Variants in PPARGC1A observed in about 807,000 individuals in gnomAD.
PPARGC1A encodes PPARG coactivator 1 alpha, also known as peroxisome proliferator-activated receptor gamma coactivator 1-alpha.
A neutral mutation model predicts 88.7 loss-of-function variants in PPARGC1A; 25 were observed. The ratio of observed to expected loss-of-function variants is 0.28; its 90% CI spans 0.21 to 0.39. PPARGC1A has a LOEUF of 0.39. PPARGC1A is among the 10% of genes least tolerant of loss of function. The pLI is 1.00. For missense variants in PPARGC1A, 880 were observed against 968.7 expected, an observed-to-expected ratio of 0.91 and a Z score of 1.22; for synonymous variants, 363 against 355.6, an observed-to-expected ratio of 1.02 and a Z score of -0.24.
rs142340179 is a variant in PPARGC1A at position 23,839,874 on chromosome 4, C to A, written c.235-8123G>T. Among the ~76,000 whole-genome samples, 375 of 152,012 alleles carry A rather than the reference C, an allele frequency of 2.5e-3. 2 individuals carry two copies. The highest frequency in any genetic ancestry group is 8.4e-3 in the African/African-American group (350 of 41,484). ...ATCTCGTGCGACCCATTCACTATCA[C>A]GACAACAGCACAGGAAAGACCCGCT... is the stretch of plus-strand genomic sequence containing the variant. On this transcript the variant is annotated intron_variant, in intron 2 of 12. Transcript: ENST00000264867.
At chr4:23,802,674 C>T (rs1397083560) in intron 10 of PPARGC1A, among the ~76,000 whole-genome samples, 5 of 86,438 alleles carry the variant, frequency 5.8e-5, no homozygotes, top group Non-Finnish European at 1.0e-4. Flanking sequence ...GAGACTCCAT[C>T]TCAAAAAAAA....
chr4:24,305,340 G>A, the PPARGC1A span, among the ~76,000 whole-genome samples: 1 of 151,980 alleles, frequency 6.6e-6, no homozygotes, highest in African/African-American at 2.4e-5. Flanking sequence ...AAACAGATCT[G>A]TATTTTAATT....
At position 23,792,545 on chromosome 4, in the gene PPARGC1A, G is replaced by A. The variant is rs529586021; in HGVS notation, c.*3277C>T. Reference sequence around the variant, plus strand: ...TGTTGACAGCCCAACTGTTGTTCTCGGAGTCGTTTAGCAAAAAATTGATTT... The same window carrying A: ...TGTTGACAGCCCAACTGTTGTTCTCAGAGTCGTTTAGCAAAAAATTGATTT... On this transcript the variant is annotated 3_prime_UTR_variant, in exon 13 of 13. Transcript: ENST00000264867. 9.8e-5 allele frequency: 15 copies of A among 152,342 alleles called. No homozygotes were observed. In the East Asian group the frequency reaches 2.3e-3, roughly 24 times the overall value. The allele number at this position is 152,342 out of a possible 1,614,324, so 9.4% of individuals were successfully genotyped here.
chr4:24,090,533 A>AT, the PPARGC1A span, among the ~76,000 whole-genome samples: 4 of 152,206 alleles, frequency 2.6e-5, no homozygotes, highest in African/African-American at 9.6e-5. Flanking sequence ...CTGAATTACC[A>AT]TTTTTATATG....
chr4:24,385,795 C>G, the PPARGC1A span, among the ~76,000 whole-genome samples: 2 of 152,094 alleles, frequency 1.3e-5, no homozygotes, highest in African/African-American at 2.4e-5. Context: ...GGATTTACAG[C>G]CAAATTGTAC....
the PPARGC1A span, among the ~76,000 whole-genome samples, chr4:24,194,121 C>T: frequency 1.0e-5 from 1 of 96,644 alleles, no homozygotes; most frequent in Non-Finnish European, 2.1e-5. Context: ...AGGAGCAAAA[C>T]TCCATCTCAA....
At chr4:23,930,155 G>A in the PPARGC1A span, among the ~76,000 whole-genome samples, 3 of 152,002 alleles carry the variant, frequency 2.0e-5, no homozygotes, top group African/African-American at 7.3e-5. Context: ...CCCAAATCAG[G>A]TTTGAAATTC....
intron 3 of PPARGC1A, among the ~76,000 whole-genome samples, chr4:23,829,944 T>A (rs923354254): frequency 1.3e-5 from 2 of 152,212 alleles, no homozygotes; most frequent in Non-Finnish European, 2.9e-5. Flanking sequence ...CTGCATAAAT[T>A]GGACTTGGTG....
the PPARGC1A span, among the ~76,000 whole-genome samples, chr4:24,317,987 AG>A: frequency 6.6e-6 from 1 of 152,210 alleles, no homozygotes; most frequent in Non-Finnish European, 1.5e-5. Context: ...ATGGGGTAAA[AG>A]GTGAAGTTCT....
chr4:24,099,061 G>C, the PPARGC1A span, among the ~76,000 whole-genome samples: 2 of 151,966 alleles, frequency 1.3e-5, no homozygotes. Context: ...AGAGACACAG[G>C]GTATTGCCTT....
the PPARGC1A span, among the ~76,000 whole-genome samples, chr4:24,151,098 T>C: frequency 6.6e-6 from 1 of 152,218 alleles, no homozygotes; most frequent in Admixed American, 6.5e-5. Context: ...TAAATTCTTA[T>C]TGCCTCTTGG....
At chr4:23,987,035 A>G in the PPARGC1A span, among the ~76,000 whole-genome samples, 2 of 152,088 alleles carry the variant, frequency 1.3e-5, no homozygotes, top group African/African-American at 4.8e-5. Flanking sequence ...CCAGGTATCT[A>G]GGCTTACTTT....
At chr4:24,218,768 T>C in the PPARGC1A span, among the ~76,000 whole-genome samples, 3 of 152,324 alleles carry the variant, frequency 2.0e-5, no homozygotes, top group East Asian at 5.8e-4. Context: ...GAAACACCCA[T>C]TGTTGCTCAA....
At chr4:24,316,690 C>T in the PPARGC1A span, among the ~76,000 whole-genome samples, 10 of 152,196 alleles carry the variant, frequency 6.6e-5, no homozygotes, top group East Asian at 1.9e-4. Flanking sequence ...TCAGCTTCCA[C>T]GTCATCAGCT....
chr4:23,827,688 A>T (rs1224638088), intron 5 of PPARGC1A, among the ~76,000 whole-genome samples: 3 of 152,186 alleles, frequency 2.0e-5, no homozygotes, highest in Non-Finnish European at 4.4e-5. Context: ...GTGATAATAA[A>T]AATCAACCCA....
the PPARGC1A span, among the ~76,000 whole-genome samples, chr4:24,016,489 C>T: frequency 6.6e-6 from 1 of 152,138 alleles, no homozygotes; most frequent in Non-Finnish European, 1.5e-5. Context: ...TAAACATAGG[C>T]AGTCCAGGCA....
the PPARGC1A span, among the ~76,000 whole-genome samples, chr4:23,981,718 TG>T: frequency 1.3e-5 from 2 of 152,204 alleles, no homozygotes; most frequent in African/African-American, 4.8e-5. Flanking sequence ...TCCCCATGTG[TG>T]TACTATTTTT....
At chr4:23,889,477 G>C in intron 1 of PPARGC1A, 1 of 590,500 alleles carries the variant, frequency 1.7e-6, no homozygotes, top group Non-Finnish European at 2.1e-6. Context: ...GAGTCAAAAC[G>C]GACTATATTT....
At chr4:23,886,091 C>T (rs1189967632) in intron 1 of PPARGC1A, among the ~76,000 whole-genome samples, 1 of 152,112 alleles carries the variant, frequency 6.6e-6, no homozygotes, top group Non-Finnish European at 1.5e-5. Flanking sequence ...AGGGGTCTGG[C>T]ATTGCCAGAA....
Sources: gnomAD v4.1 joint callset for allele counts (sites outside exome capture counted in the v4.1 genomes callset) on GRCh38, gnomAD v4.1.1 for gene constraint, MANE v1.5 for transcripts, NCBI Gene and HGNC (gene_info 2026-07-23, HGNC 2026-07-21) for gene names.